The following NPAS3 variants were observed in gnomAD, a reference collection of about 807,000 sequenced individuals.
The protein encoded by NPAS3 is neuronal PAS domain-containing protein 3.
NPAS3 carries 14 observed loss-of-function variants against 73.1 expected under a neutral mutation model. The observed-to-expected ratio is 0.19, with a 90% CI of 0.13 to 0.30. The LOEUF is 0.30. Among genes scored for constraint, NPAS3 ranks in the 10% least tolerant of loss-of-function variants. The pLI is 1.00. For synonymous variants in NPAS3, 620 were observed against 541.5 expected (o/e 1.14, Z -2.01); for missense variants, 1,096 against 1,250.0 (o/e 0.88, Z 1.86).
At chr14:33,394,563 A>G (rs2047142097) in intron 4 of NPAS3, among the ~76,000 whole-genome samples, 1 of 152,142 alleles carries the variant, frequency 6.6e-6, no homozygotes, top group South Asian at 2.1e-4. Context: ...ACTGATTGTT[A>G]ATAGCTAGAA....
At chr14:33,718,139 T>C (rs1289038469) in intron 6 of NPAS3, among the ~76,000 whole-genome samples, 1 of 152,158 alleles carries the variant, frequency 6.6e-6, no homozygotes, top group Non-Finnish European at 1.5e-5. Flanking sequence ...TACGATGTGG[T>C]TATAAGAATA....
At chr14:33,347,320 G>A (rs1004318277) in intron 3 of NPAS3, among the ~76,000 whole-genome samples, 6 of 152,190 alleles carry the variant, frequency 3.9e-5, no homozygotes, top group African/African-American at 1.4e-4. Context: ...TCTATTAAAT[G>A]TTTTTAGAAA....
chr14:33,448,990 A>G (rs1041693116), intron 4 of NPAS3, among the ~76,000 whole-genome samples: 1 of 152,216 alleles, frequency 6.6e-6, no homozygotes. Context: ...ATGGAAGGGC[A>G]CTTAAAGGAG....
intron 2 of NPAS3, among the ~76,000 whole-genome samples, chr14:33,207,551 T>TTAC (rs1466533015): frequency 3.3e-5 from 5 of 152,194 alleles, no homozygotes; most frequent in African/African-American, 4.8e-5. Context: ...TTTTAATGTA[T>TTAC]AAGATTTCAA....
chr14:33,268,036 A>T (rs1594555177), intron 3 of NPAS3, among the ~76,000 whole-genome samples: 1 of 151,576 alleles, frequency 6.6e-6, no homozygotes, highest in South Asian at 2.1e-4. Context: ...ATTCTTCTTG[A>T]TTTTTTTTTC....
chr14:33,766,481 T>C lies in NPAS3; in HGVS notation c.853-7856T>C, dbSNP rs370441418. The stretch of plus-strand genomic sequence containing the variant: ...CTTTTTATGCCACAGGACTGGTTTC[T>C]ACCAGCCTTCGTTCCTAACTTTGGC... On this transcript the variant is annotated intron_variant, in intron 7 of 11. Transcript: ENST00000356141. Among the ~76,000 whole-genome samples, 3 of 152,328 alleles carry C rather than the reference T, an allele frequency of 2.0e-5. No individual in the cohort carries two copies. In the East Asian group the frequency reaches 5.8e-4, roughly 29 times the overall value.
intron 4 of NPAS3, among the ~76,000 whole-genome samples, chr14:33,436,356 G>T (rs2048990312): frequency 9.9e-5 from 15 of 152,178 alleles, no homozygotes; most frequent in Admixed American, 9.8e-4. Flanking sequence ...TAATTAAGGG[G>T]ATCAAGGGGC....
chr14:33,348,039 G>T (rs1160236687), intron 3 of NPAS3, among the ~76,000 whole-genome samples: 5 of 152,104 alleles, frequency 3.3e-5, no homozygotes, highest in Non-Finnish European at 7.4e-5. Flanking sequence ...TTTCCTGCAG[G>T]GGGAGAGAGG....
At chr14:33,161,540 GGTA>G (rs1555347128) in intron 2 of NPAS3, among the ~76,000 whole-genome samples, 2 of 152,202 alleles carry the variant, frequency 1.3e-5, no homozygotes, top group Non-Finnish European at 2.9e-5. Flanking sequence ...CTAATACATT[GGTA>G]TCACTGTACT....
intron 4 of NPAS3, among the ~76,000 whole-genome samples, chr14:33,399,719 T>C (rs2047371537): frequency 6.6e-6 from 1 of 152,048 alleles, no homozygotes; most frequent in Admixed American, 6.6e-5. Context: ...TACGTGGTTA[T>C]TTTTACGTAT....
Position 33,541,446 on chromosome 14 carries a change from T to A in NPAS3, c.469-18675T>A, listed in dbSNP as rs73269033. 1.4e-3 allele frequency among the ~76,000 whole-genome samples: 214 copies of A among 152,286 alleles called. 1 individual carries two copies. Among genetic ancestry groups the A allele is most frequent in the African/African-American group, 5.0e-3 (208 of 41,562 alleles). On this transcript the variant is annotated intron_variant, in intron 4 of 11. Coordinates refer to ENST00000356141, the Ensembl canonical transcript of NPAS3. ...AAGAGCAGTTGATGCAGTGACAGGC[T>A]GGGGTTGGATAGAGACCTGGTTCTT...
At chr14:33,607,885 C>T (rs963806731) in intron 5 of NPAS3, among the ~76,000 whole-genome samples, 2 of 152,054 alleles carry the variant, frequency 1.3e-5, no homozygotes, top group African/African-American at 2.4e-5. Context: ...TGAAAGCCCA[C>T]CAAAGAAGGA....
chr14:33,207,245 ACACACACACACACACACACACG>A (rs764761554), intron 2 of NPAS3, among the ~76,000 whole-genome samples: 13,648 of 50,992 alleles, frequency 0.27, 990 homozygotes, highest in African/African-American at 0.33. Flanking sequence ...ACACACACAC[ACACACACACACACACACACACG>A]CACACACACA....
At chr14:33,372,362 G>A (rs974041428) in intron 4 of NPAS3, among the ~76,000 whole-genome samples, 20 of 152,114 alleles carry the variant, frequency 1.3e-4, no homozygotes, top group Non-Finnish European at 1.9e-4. Context: ...CTAATTAGCC[G>A]TATATTCTCG....
At chr14:33,618,472 A>G (rs927880303) in intron 5 of NPAS3, among the ~76,000 whole-genome samples, 10 of 152,128 alleles carry the variant, frequency 6.6e-5, no homozygotes, top group African/African-American at 2.2e-4. Context: ...AATAGGGTCC[A>G]TGCTCCTATG....
intron 5 of NPAS3, among the ~76,000 whole-genome samples, chr14:33,616,871 G>T (rs1318536488): frequency 6.6e-6 from 1 of 152,166 alleles, no homozygotes; most frequent in Non-Finnish European, 1.5e-5. Flanking sequence ...TTTGTCCTGT[G>T]CAAATCTTCT....
chr14:33,758,449 G>T (rs2062182956), intron 7 of NPAS3, among the ~76,000 whole-genome samples: 1 of 152,192 alleles, frequency 6.6e-6, no homozygotes. Context: ...TGGCCAATGT[G>T]TGCAACTCCT....
intron 6 of NPAS3, among the ~76,000 whole-genome samples, chr14:33,691,891 T>C (rs1000649441): frequency 1.3e-5 from 2 of 152,146 alleles, no homozygotes; most frequent in Non-Finnish European, 2.9e-5. Context: ...AACTCAAAAA[T>C]TATCACCAAG....
chr14:33,414,473 T>C (rs1429707175), intron 4 of NPAS3, among the ~76,000 whole-genome samples: 1 of 152,140 alleles, frequency 6.6e-6, no homozygotes, highest in African/African-American at 2.4e-5. Flanking sequence ...AATTCAACCT[T>C]TAATTGAAAA....
Sources: gnomAD v4.1 joint callset for allele counts (sites outside exome capture counted in the v4.1 genomes callset) on GRCh38, gnomAD v4.1.1 for gene constraint, MANE v1.5 for transcripts, NCBI Gene and HGNC (gene_info 2026-07-23, HGNC 2026-07-21) for gene names.